RIC8B: variants seen among roughly 807,000 people sequenced by gnomAD.
RIC8B encodes chaperone Ric-8B.
A neutral mutation model predicts 57.5 loss-of-function variants in RIC8B; 16 were observed. The ratio of observed to expected loss-of-function variants is 0.28; its 90% CI spans 0.19 to 0.42. RIC8B has a LOEUF of 0.42. Ranked by LOEUF, RIC8B falls within the 10% of genes least tolerant of loss-of-function variation. The pLI, the probability that RIC8B is intolerant of heterozygous loss-of-function variation, is 1.00. For missense variants in RIC8B, 481 were observed against 677.0 expected, an observed-to-expected ratio of 0.71 and a Z score of 3.21; for synonymous variants, 216 against 250.8, an observed-to-expected ratio of 0.86 and a Z score of 1.31.
At chr12:106,802,528 A>G (rs2044778641) in intron 2 of RIC8B, among the ~76,000 whole-genome samples, 1 of 144,488 alleles carries the variant, frequency 6.9e-6, no homozygotes, top group Non-Finnish European at 1.5e-5. Flanking sequence ...CCACTACAAT[A>G]TGAGAATTTT....
At chr12:106,866,767 T>TG (rs1950157306) in intron 8 of RIC8B, among the ~76,000 whole-genome samples, 1 of 152,138 alleles carries the variant, frequency 6.6e-6, no homozygotes. Flanking sequence ...TAACTTCTTT[T>TG]GAAAAAATGG....
chr12:106,872,917 T>C (rs1333078659), intron 9 of RIC8B: 3 of 568,230 alleles, frequency 5.3e-6, no homozygotes, highest in Non-Finnish European at 6.7e-6. Context: ...TGCCTAAGAC[T>C]ACACAGTATA....
chr12:106,874,080 C>A (rs1344421232), intron 9 of RIC8B, among the ~76,000 whole-genome samples: 1 of 152,154 alleles, frequency 6.6e-6, no homozygotes, highest in African/African-American at 2.4e-5. Flanking sequence ...AATTCATTTC[C>A]TTTTAACAGT....
At chr12:106,869,593 A>T (rs1380833914) in intron 8 of RIC8B, among the ~76,000 whole-genome samples, 1 of 152,202 alleles carries the variant, frequency 6.6e-6, no homozygotes. Flanking sequence ...TAGACCCTAG[A>T]AAGCAATTTA....
intron 3 of RIC8B, among the ~76,000 whole-genome samples, chr12:106,819,167 T>C (rs1223955799): frequency 6.6e-6 from 1 of 152,220 alleles, no homozygotes; most frequent in Non-Finnish European, 1.5e-5. Flanking sequence ...GTCTTTTTTC[T>C]TCACAATAAA....
intron 2 of RIC8B, among the ~76,000 whole-genome samples, chr12:106,793,995 G>A (rs1051136848): frequency 2.0e-5 from 3 of 152,060 alleles, no homozygotes; most frequent in Non-Finnish European, 4.4e-5. Flanking sequence ...ATTTAACAAA[G>A]ACTTCAGAGT....
At chr12:106,831,414 C>T (rs2046347850) in intron 4 of RIC8B, among the ~76,000 whole-genome samples, 1 of 152,208 alleles carries the variant, frequency 6.6e-6, no homozygotes, top group South Asian at 2.1e-4. Flanking sequence ...TTCCCCTGGT[C>T]AGTTCCCACT....
chr12:106,774,931 A>G (rs191729035), intron 1 of RIC8B, 102 bp downstream of exon 1: 10 of 865,430 alleles, frequency 1.2e-5, no homozygotes, highest in East Asian at 2.7e-5. Flanking sequence ...GGGGATGCGC[A>G]TTGCTCTCCC....
chr12:106,809,866 T>C (rs1174529422), intron 2 of RIC8B, among the ~76,000 whole-genome samples: 2 of 151,980 alleles, frequency 1.3e-5, no homozygotes, highest in African/African-American at 4.8e-5. Flanking sequence ...CTAGTTCTTT[T>C]GAAATATATA....
In RIC8B at chr12:106,879,343, G is replaced by T. The variant is rs1377496031; in HGVS notation, c.1572-6561G>T. The T allele has an allele frequency of 1.0e-6, 1 of 985,248 alleles. No homozygotes were observed. The highest frequency in any genetic ancestry group is 1.2e-6 in the Non-Finnish European group (1 of 829,896). The allele number at this position is 985,248 out of a possible 1,614,324, so 61.0% of individuals were successfully genotyped here. A position where few individuals can be genotyped will look rare whatever the true frequency, so the allele number is the denominator to read the frequency against. ...ACGTCTGACCTATTCTATATTGTGC[G>T]ATTGGGTATGTTAGTATCTGAACCC... is the stretch of plus-strand genomic sequence containing the variant. On this transcript the variant is annotated intron_variant, in intron 9 of 9. Coordinates refer to ENST00000392837, the MANE Select transcript of RIC8B (RefSeq NM_001330145.2). The surrounding 1 kb of genome is among the most constrained non-coding windows in gnomAD (Gnocchi z 4.9).
intron 4 of RIC8B, among the ~76,000 whole-genome samples, chr12:106,831,309 C>T (rs546563838): frequency 1.3e-4 from 20 of 152,256 alleles, no homozygotes; most frequent in African/African-American, 4.3e-4. Flanking sequence ...TAAGTCCTTT[C>T]GTGGCTCTTC....
intron 9 of RIC8B, among the ~76,000 whole-genome samples, chr12:106,872,550 C>T (rs1330551490): frequency 6.6e-6 from 1 of 152,044 alleles, no homozygotes; most frequent in South Asian, 2.1e-4. Context: ...TGCCTGTAAT[C>T]CCAGCTACTC....
At chr12:106,854,037 TG>T (rs550996058) in intron 7 of RIC8B, among the ~76,000 whole-genome samples, 96 of 152,234 alleles carry the variant, frequency 6.3e-4, no homozygotes, top group Admixed American at 1.2e-3. Context: ...GGCTCACTGT[TG>T]GGGAGACAAT....
intron 2 of RIC8B, among the ~76,000 whole-genome samples, chr12:106,799,881 A>G (rs1212350837): frequency 2.0e-5 from 3 of 152,100 alleles, no homozygotes; most frequent in East Asian, 3.9e-4. Flanking sequence ...GAGCTGTCAA[A>G]ATACCGTAGA....
intron 1 of RIC8B, among the ~76,000 whole-genome samples, chr12:106,781,210 A>G (rs753901839): frequency 2.8e-4 from 43 of 152,032 alleles, no homozygotes; most frequent in Admixed American, 2.6e-4. Context: ...TCAGCCCCCC[A>G]AAGTGTTAGG....
At chr12:106,866,274 T>G (rs913070899) in intron 8 of RIC8B, among the ~76,000 whole-genome samples, 3 of 152,142 alleles carry the variant, frequency 2.0e-5, no homozygotes, top group Non-Finnish European at 4.4e-5. Context: ...ATGAATGAAT[T>G]TTTTGAGTTA....
chr12:106,879,996 C>T lies in RIC8B; in HGVS notation c.1572-5908C>T, dbSNP rs917578409. The T allele has an allele frequency of 5.2e-6, 5 of 967,322 alleles. No individual in the cohort carries two copies. The African/African-American group carries it at 7.0e-5, about 14-fold the overall frequency. 59.9% of individuals were successfully genotyped at this position (967,322 alleles called of 1,614,324 possible). ...ATGTGAATATCTTAATCCTGATACACATTTCAATATACAGTATCTCCGTTT... is the reference window on the plus strand; with the variant it reads ...ATGTGAATATCTTAATCCTGATACATATTTCAATATACAGTATCTCCGTTT... On this transcript the variant is annotated intron_variant, in intron 9 of 9. Coordinates refer to ENST00000392837, the MANE Select transcript of RIC8B (RefSeq NM_001330145.2). The surrounding 1 kb of genome is among the most constrained non-coding windows in gnomAD (Gnocchi z 4.9).
rs772712640 is a variant in RIC8B at position 106,825,754 on chromosome 12, C to G, written c.770C>G (p.Ala257Gly). Residue 257 changes from alanine (A) to glycine (G), a missense_variant, in exon 4 of 10, where the codon GCA becomes GGA. Around this residue, in one of 3 missense-constraint regions of RIC8B, gnomAD observed 421 missense variants for 560.9 expected, o/e 0.75. Transcript: ENST00000392837. The part of the protein sequence containing the change: ...ESDSHQFRVM[A>G]AVLRHCLLIV... ...GATTCTCATCAGTTCCGTGTAATGG[C>G]AGCTGTCCTTCGTCATTGTTTACTA... is the stretch of plus-strand genomic sequence containing the variant. The G allele has an allele frequency of 6.2e-7, 1 of 1,613,694 alleles. No homozygotes were observed. Among genetic ancestry groups the G allele is most frequent in the Admixed American group, 1.7e-5 (1 of 60,016 alleles).
rs932054752 is a variant in RIC8B at position 106,865,656 on chromosome 12, C to T, written c.1452-5167C>T. On this transcript the variant is annotated intron_variant, in intron 8 of 9. Transcript: ENST00000392837. ...ACCACTCTGGTCCAAGCTAAAATCT[C>T]TCTCTCCAGGATCATTCTCAAAGCC... Among the ~76,000 whole-genome samples the T allele has an allele frequency of 3.2e-4, 49 of 152,084 alleles. 2 individuals carry two copies. The highest frequency in any genetic ancestry group is 1.5e-5 in the Non-Finnish European group (1 of 68,022).
Sources: allele counts gnomAD v4.1 joint callset (sites outside exome capture counted in the v4.1 genomes callset), GRCh38; gene constraint gnomAD v4.1.1; regional missense constraint gnomAD v4.1.1; non-coding constraint Gnocchi (gnomAD v3.1); transcripts MANE v1.5; gene names NCBI Gene and HGNC (gene_info 2026-07-23, HGNC 2026-07-21).